ROBO2: variants seen among roughly 807,000 people sequenced by gnomAD.
The protein encoded by ROBO2 is roundabout homolog 2.
Under a neutral mutation model 160.8 loss-of-function variants are expected in ROBO2, and 53 were observed. That is an observed-to-expected ratio of 0.33 (90% CI 0.26 to 0.41). ROBO2 has a LOEUF of 0.41. ROBO2 is among the 10% of genes least tolerant of loss of function. ROBO2 has a pLI of 1.00. For synonymous variants in ROBO2, 664 were observed against 611.7 expected, an observed-to-expected ratio of 1.09 and a Z score of -1.26; for missense variants, 1,577 against 1,722.4, an observed-to-expected ratio of 0.92 and a Z score of 1.49.
In ROBO2 at chr3:76,162,592, C is replaced by T. The variant is rs2072683891; in HGVS notation, c.109+224990C>T. Among the ~76,000 whole-genome samples, 4 of 152,174 alleles carry T rather than the reference C, an allele frequency of 2.6e-5. 1 individual carries two copies. In the South Asian group the frequency reaches 8.3e-4, roughly 32 times the overall value. On this transcript the variant is annotated intron_variant, in intron 2 of 26. Coordinates refer to the ROBO2 transcript ENST00000487694. ...CCTCCCAAGGTTCTGGGATTATAGGCATGAGCCACTGGGACCAGACTATTT... is the reference window on the plus strand; with the variant it reads ...CCTCCCAAGGTTCTGGGATTATAGGTATGAGCCACTGGGACCAGACTATTT...
intron 2 of ROBO2, among the ~76,000 whole-genome samples, chr3:77,199,721 C>A (rs1289698188): frequency 6.7e-6 from 1 of 149,344 alleles, no homozygotes; most frequent in Non-Finnish European, 1.5e-5. Context: ...CTCCTGTGCT[C>A]AAGCAATCCT....
chr3:77,628,447 TGG>T (rs11400323), intron 23 of ROBO2, among the ~76,000 whole-genome samples: 10 of 139,570 alleles, frequency 7.2e-5, no homozygotes, highest in African/African-American at 1.6e-4. Context: ...TCTCTTTTTG[TGG>T]GGGGGGGGTA....
exon 26 of ROBO2, chr3:77,647,567 A>T (rs1307514972): frequency 1.3e-5 from 2 of 152,204 alleles, no homozygotes; most frequent in African/African-American, 4.8e-5. Flanking sequence ...GTTCCTGAAC[A>T]TTAGTCATGT....
chr3:77,053,133 T>C (rs2065385605), intron 1 of ROBO2, among the ~76,000 whole-genome samples: 1 of 152,184 alleles, frequency 6.6e-6, no homozygotes, highest in South Asian at 2.1e-4. Flanking sequence ...ATTAAACTTG[T>C]CAACCATCTG....
At chr3:77,135,136 T>G (rs1041083343) in intron 2 of ROBO2, among the ~76,000 whole-genome samples, 2 of 152,194 alleles carry the variant, frequency 1.3e-5, no homozygotes, top group African/African-American at 4.8e-5. Context: ...TCCTGACAAC[T>G]CTACCAGCAG....
chr3:76,220,948 C>A (rs1233185922), intron 2 of ROBO2, among the ~76,000 whole-genome samples: 2 of 152,108 alleles, frequency 1.3e-5, no homozygotes, highest in East Asian at 3.9e-4. Flanking sequence ...ACAACTAAAC[C>A]TTCGTTTCTA....
chr3:76,727,155 G>A (rs2093565216), intron 2 of ROBO2, among the ~76,000 whole-genome samples: 1 of 152,026 alleles, frequency 6.6e-6, no homozygotes, highest in Non-Finnish European at 1.5e-5. Context: ...TTGTAACATA[G>A]AAAAAGCTGA....
At chr3:77,608,293 G>T (rs1194082469) in intron 21 of ROBO2, among the ~76,000 whole-genome samples, 1 of 152,130 alleles carries the variant, frequency 6.6e-6, no homozygotes, top group East Asian at 1.9e-4. Context: ...GGGCTGAAAA[G>T]GGAATTAAAA....
intron 2 of ROBO2, among the ~76,000 whole-genome samples, chr3:75,989,572 A>T (rs1284386288): frequency 6.6e-6 from 1 of 152,178 alleles, no homozygotes; most frequent in African/African-American, 2.4e-5. Flanking sequence ...GAAAAAATAG[A>T]AGTAAATAAC....
chr3:77,148,285 G>A (rs1057135053), intron 2 of ROBO2, among the ~76,000 whole-genome samples: 1 of 152,062 alleles, frequency 6.6e-6, no homozygotes, highest in Non-Finnish European at 1.5e-5. Flanking sequence ...CGATTAAAGG[G>A]GCTTTAATAG....
intron 2 of ROBO2, among the ~76,000 whole-genome samples, chr3:76,791,518 ACTCT>A (rs150578311): frequency 5.7e-4 from 84 of 146,364 alleles, no homozygotes; most frequent in African/African-American, 1.6e-3. Context: ...TGTTTCACAC[ACTCT>A]CTCTCTCTCT....
At chr3:77,185,362 A>G (rs2081187580) in intron 2 of ROBO2, among the ~76,000 whole-genome samples, 1 of 151,950 alleles carries the variant, frequency 6.6e-6, no homozygotes, top group Non-Finnish European at 1.5e-5. Context: ...TTTTTAGTGA[A>G]TGAGTATTTT....
At chr3:76,473,006 A>ATT (rs138308291) in intron 2 of ROBO2, among the ~76,000 whole-genome samples, 2 of 152,100 alleles carry the variant, frequency 1.3e-5, no homozygotes, top group African/African-American at 4.8e-5. Context: ...CAAAAATGCA[A>ATT]TTTTTTTATG....
At chr3:76,620,313 T>C (rs1382308538) in intron 2 of ROBO2, among the ~76,000 whole-genome samples, 2 of 152,170 alleles carry the variant, frequency 1.3e-5, no homozygotes, top group African/African-American at 4.8e-5. Flanking sequence ...AGCTACAAAT[T>C]TTACAGTTCT....
intron 6 of ROBO2, among the ~76,000 whole-genome samples, chr3:77,541,154 T>C (rs375558072): frequency 2.0e-5 from 3 of 152,352 alleles, no homozygotes; most frequent in East Asian, 3.9e-4. Flanking sequence ...TGAGCATGAC[T>C]GTATTCACCC....
At chr3:76,567,759 C>CTG (rs1560163557) in intron 2 of ROBO2, among the ~76,000 whole-genome samples, 6 of 47,674 alleles carry the variant, frequency 1.3e-4, no homozygotes, top group Admixed American at 6.7e-4. Context: ...ATATATATAT[C>CTG]TGTCTGTGTG....
At chr3:76,404,973 A>G (rs1410234591) in intron 2 of ROBO2, among the ~76,000 whole-genome samples, 2 of 151,742 alleles carry the variant, frequency 1.3e-5, no homozygotes, top group African/African-American at 4.8e-5. Flanking sequence ...AGAATTAAAA[A>G]TGGAAATGCT....
chr3:76,369,381 G>A (rs1310047615), intron 2 of ROBO2, among the ~76,000 whole-genome samples: 1 of 151,896 alleles, frequency 6.6e-6, no homozygotes, highest in African/African-American at 2.4e-5. Context: ...TTTCTTCAGA[G>A]TTCTGCCACT....
Position 77,308,094 on chromosome 3 carries a change from C to CT in ROBO2, c.389-169305dup, listed in dbSNP as rs75267801. ...TTTACCTTGATGAAAGGAGATATTTCTTTTTTTTTTTTTTTACTAAATTGC... is the reference window on the plus strand; with the variant it reads ...TTTACCTTGATGAAAGGAGATATTTCTTTTTTTTTTTTTTTTACTAAATTGC... On this transcript the variant is annotated intron_variant, in intron 2 of 25. Coordinates refer to ENST00000461745, the Ensembl canonical transcript of ROBO2. Among the ~76,000 whole-genome samples, 1,129 of 136,716 alleles carry CT rather than the reference C, an allele frequency of 8.3e-3. 2 individuals carry two copies. The highest frequency in any genetic ancestry group is 0.029 in the East Asian group (136 of 4,628). 89.7% of individuals were successfully genotyped at this position (136,716 alleles called of 152,430 possible).
Sources: allele counts gnomAD v4.1 joint callset (sites outside exome capture counted in the v4.1 genomes callset), GRCh38; gene constraint gnomAD v4.1.1; transcripts MANE v1.5; gene names NCBI Gene and HGNC (gene_info 2026-07-23, HGNC 2026-07-21).